ZNF33A: variants seen among roughly 807,000 people sequenced by gnomAD.
The protein encoded by ZNF33A is zinc finger protein 33A.
A neutral mutation model predicts 15.9 loss-of-function variants in ZNF33A; 9 were observed. That is an observed-to-expected ratio of 0.57 (90% CI 0.34 to 0.99). The LOEUF (loss-of-function observed/expected upper bound fraction) is 0.99, where lower values mean the gene tolerates loss of function less well. ZNF33A is among the 50% of genes least tolerant of loss of function. The probability of loss-of-function intolerance (pLI) is 0.02; values close to 1 mark genes in which losing one functional copy is unlikely to be tolerated. For missense variants in ZNF33A, 843 were observed against 941.6 expected, an observed-to-expected ratio of 0.90 and a Z score of 1.37; for synonymous variants, 294 against 324.2, an observed-to-expected ratio of 0.91 and a Z score of 1.00.
At chr10:38,019,412 T>G (rs1446880348) in intron 4 of ZNF33A, among the ~76,000 whole-genome samples, 1 of 152,182 alleles carries the variant, frequency 6.6e-6, no homozygotes, top group African/African-American at 2.4e-5. Context: ...TGGTTCCAAG[T>G]CTTTGCTATT....
chr10:38,052,265 T>C (rs1009540563), intron 4 of ZNF33A, among the ~76,000 whole-genome samples: 2 of 148,954 alleles, frequency 1.3e-5, no homozygotes. Flanking sequence ...AATTATTAAG[T>C]GTAGCTAGGT....
At chr10:38,046,801 A>T (rs1056078402) in intron 4 of ZNF33A, among the ~76,000 whole-genome samples, 2 of 148,260 alleles carry the variant, frequency 1.3e-5, no homozygotes, top group Admixed American at 6.6e-5. Context: ...CGGAAGATTT[A>T]AAAAAAAAAT....
chr10:38,058,724 T>C lies in ZNF33A; in HGVS notation c.*2164T>C, dbSNP rs1201532314. 2 of 152,196 alleles carry C rather than the reference T, an allele frequency of 1.3e-5. No homozygotes were observed. The highest frequency in any genetic ancestry group is 4.8e-5 in the African/African-American group (2 of 41,412). The allele number at this position is 152,196 out of a possible 1,614,324, so 9.4% of individuals were successfully genotyped here. A position where few individuals can be genotyped will look rare whatever the true frequency, so the allele number is the denominator to read the frequency against. On this transcript the variant is annotated 3_prime_UTR_variant, in exon 5 of 5. Coordinates refer to ENST00000432900, the MANE Select transcript of ZNF33A (RefSeq NM_006954.2). ...AGGTGGATGTTGCAGTGAGCTGAGA[T>C]TGTGCCACTGTACTGCAGCCTGGGT...
chr10:38,035,304 G>A (rs1356211721), intron 4 of ZNF33A, among the ~76,000 whole-genome samples: 1 of 151,738 alleles, frequency 6.6e-6, no homozygotes, highest in African/African-American at 2.4e-5. Context: ...TTTTAGAAGA[G>A]ATGGGGTTTT....
In ZNF33A at chr10:38,056,577, CTTATG is replaced by C; in HGVS notation, c.*21_*25del. On this transcript the variant is annotated 3_prime_UTR_variant, in exon 5 of 5. Coordinates refer to ENST00000432900, the MANE Select transcript of ZNF33A (RefSeq NM_006954.2). ...GTTCAGTAACTATCCACAAACTCAC[CTTATG>C]TTACTCCAAAGTAATAGTAGGGGAT... 1 of 1,538,962 alleles carries C rather than the reference CTTATG, an allele frequency of 6.5e-7. No individual in the cohort carries two copies. Among genetic ancestry groups the C allele is most frequent in the African/African-American group, 1.4e-5 (1 of 72,418 alleles).
chr10:38,065,433 T>G (rs1330625021), downstream of ZNF33A, among the ~76,000 whole-genome samples: 1 of 152,176 alleles, frequency 6.6e-6, no homozygotes, highest in Non-Finnish European at 1.5e-5. Context: ...ACGATAAGGA[T>G]TCTATCCTAA....
intron 4 of ZNF33A, among the ~76,000 whole-genome samples, chr10:38,036,750 A>T (rs1441736079): frequency 2.0e-5 from 3 of 152,220 alleles, no homozygotes; most frequent in African/African-American, 7.2e-5. Flanking sequence ...ATGCCATAAG[A>T]CAACAAAATA....
chr10:38,022,770 G>A (rs1460801755), intron 4 of ZNF33A, among the ~76,000 whole-genome samples: 1 of 151,560 alleles, frequency 6.6e-6, no homozygotes. Flanking sequence ...TGACCCATAG[G>A]TTTTCATAAA....
chr10:38,027,470 C>T (rs1233916554), intron 4 of ZNF33A, among the ~76,000 whole-genome samples: 2 of 151,938 alleles, frequency 1.3e-5, no homozygotes, highest in East Asian at 3.9e-4. Flanking sequence ...CCTCCCCATT[C>T]ATCCTGCTGA....
chr10:38,035,892 G>T (rs12266728), intron 4 of ZNF33A, among the ~76,000 whole-genome samples: 4,157 of 152,258 alleles, frequency 0.027, 139 homozygotes, highest in African/African-American at 0.082. Flanking sequence ...GGTGATTTCT[G>T]TGCAACATTT....
chr10:38,010,860 C>T, intron 1 of ZNF33A, 77 bp downstream of exon 1: 5 of 1,569,284 alleles, frequency 3.2e-6, no homozygotes, highest in Non-Finnish European at 4.3e-6. Context: ...GGGGCCGGTA[C>T]CAAGTGGTGG....
chr10:38,053,823 G>A (rs182226275), intron 4 of ZNF33A, among the ~76,000 whole-genome samples: 7 of 152,186 alleles, frequency 4.6e-5, no homozygotes, highest in Admixed American at 4.6e-4. Flanking sequence ...TCCCTTTCTG[G>A]GAGTAGTTTT....
chr10:38,063,204 C>T (rs994226145), downstream of ZNF33A, among the ~76,000 whole-genome samples: 1 of 152,072 alleles, frequency 6.6e-6, no homozygotes, highest in East Asian at 1.9e-4. Context: ...ACTGGTCCCA[C>T]AGGTTCACAT....
intron 4 of ZNF33A, among the ~76,000 whole-genome samples, chr10:38,048,813 TATAATC>T (rs1167363740): frequency 6.6e-6 from 1 of 152,144 alleles, no homozygotes; most frequent in African/African-American, 2.4e-5. Flanking sequence ...GATCCACAGT[TATAATC>T]AGAGGTTTTA....
chr10:38,053,066 T>C (rs1321061386), intron 4 of ZNF33A, among the ~76,000 whole-genome samples: 1 of 152,184 alleles, frequency 6.6e-6, no homozygotes. Context: ...CTTACTCTTT[T>C]AAAATTATTG....
At chr10:38,022,750 A>T (rs990153060) in intron 4 of ZNF33A, among the ~76,000 whole-genome samples, 33 of 152,006 alleles carry the variant, frequency 2.2e-4, no homozygotes, top group African/African-American at 7.5e-4. Context: ...GGTGATATAG[A>T]TAATTTGAAT....
In ZNF33A at chr10:38,046,623, A is replaced by C. The variant is rs143362189; in HGVS notation, c.251-7752A>C. Among the ~76,000 whole-genome samples the C allele has an allele frequency of 3.3e-3, 499 of 152,336 alleles. 4 individuals carry two copies. The highest frequency in any genetic ancestry group is 0.012 in the African/African-American group (492 of 41,578). On this transcript the variant is annotated intron_variant, in intron 4 of 4. Transcript: ENST00000432900. ...AACTCTCAGTCTTCTGTCCATTGAA[A>C]TATTACCAGACTTACAGACATGTGG... is the stretch of plus-strand genomic sequence containing the variant.
intron 4 of ZNF33A, among the ~76,000 whole-genome samples, chr10:38,048,671 C>T (rs926034426): frequency 1.3e-5 from 2 of 152,058 alleles, no homozygotes; most frequent in Non-Finnish European, 2.9e-5. Flanking sequence ...GCCAGGAATA[C>T]CAGTGATAAA....
intron 2 of ZNF33A, chr10:38,016,130 T>C (rs1426634456): frequency 1.5e-6 from 1 of 680,914 alleles, no homozygotes; most frequent in Non-Finnish European, 2.1e-6. Context: ...GAACCCAGAA[T>C]ATGTATTGCG....
Sources: gnomAD v4.1 joint callset for allele counts (sites outside exome capture counted in the v4.1 genomes callset) on GRCh38, gnomAD v4.1.1 for gene constraint, MANE v1.5 for transcripts, NCBI Gene and HGNC (gene_info 2026-07-23, HGNC 2026-07-21) for gene names.